The following HSP90AA1 variants were observed in gnomAD, a reference collection of about 807,000 sequenced individuals.
HSP90AA1 encodes the protein heat shock protein 90 alpha family class A member 1, also known as heat shock protein HSP 90-alpha.
In HSP90AA1, 18 loss-of-function variants were observed where a neutral mutation model predicts 73.3. The observed-to-expected ratio is 0.25, with a 90% confidence interval of 0.17 to 0.36. The LOEUF (loss-of-function observed/expected upper bound fraction) is 0.36. Among genes scored for constraint, HSP90AA1 ranks in the 10% least tolerant of loss-of-function variants. The probability of loss-of-function intolerance (pLI) is 1.00; values close to 1 mark genes in which losing one functional copy is unlikely to be tolerated. For missense variants in HSP90AA1, 704 were observed against 874.2 expected (o/e 0.81, Z 2.45); for synonymous variants, 477 against 296.9 (o/e 1.61, Z -6.24).
At position 102,102,076 on chromosome 14, in the gene HSP90AA1, AG is replaced by A; in HGVS notation, c.164del (p.Pro55LeufsTer16). The stretch of plus-strand genomic sequence containing the variant: ...GGGCCTTTTCTTGGTACCAGTTAAC[AG>A]GTGCCCTGCTGGGAACATAAACACA... On this transcript the variant is annotated frameshift_variant, in exon 2 of 12. Transcript: ENST00000334701. LOFTEE classifies it high-confidence loss of function. The A allele has an allele frequency of 6.2e-7, 1 of 1,613,352 alleles. No individual in the cohort carries two copies. Among genetic ancestry groups the A allele is most frequent in the Middle Eastern group, 1.7e-4 (1 of 6,056 alleles).
intron 1 of HSP90AA1, among the ~76,000 whole-genome samples, chr14:102,103,822 A>C (rs1388152885): frequency 6.6e-6 from 1 of 151,496 alleles, no homozygotes; most frequent in African/African-American, 2.4e-5. Flanking sequence ...AAAAAAAAAA[A>C]CAAAAACCCA....
At chr14:102,122,815 C>A (rs188061761) in intron 1 of HSP90AA1, among the ~76,000 whole-genome samples, 18 of 150,500 alleles carry the variant, frequency 1.2e-4, no homozygotes, top group South Asian at 2.1e-4. Flanking sequence ...TTACAGGTGC[C>A]TGCCACCATG....
intron 1 of HSP90AA1, among the ~76,000 whole-genome samples, chr14:102,120,973 ATAT>A (rs2049769284): frequency 1.3e-5 from 2 of 151,672 alleles, no homozygotes; most frequent in South Asian, 4.2e-4. Context: ...AGAAAATGAA[ATAT>A]TATACATACT....
At chr14:102,082,061 A>G (rs776466880) in intron 10 of HSP90AA1, 50 bp downstream of exon 10, 8 of 1,256,996 alleles carry the variant, frequency 6.4e-6, no homozygotes, top group Middle Eastern at 3.7e-4. Context: ...ATTTTCTTCA[A>G]TGTCACGTGT....
chr14:102,092,559 ACTAAT>A (rs1387772456), intron 2 of HSP90AA1, among the ~76,000 whole-genome samples: 3 of 152,120 alleles, frequency 2.0e-5, no homozygotes, highest in Non-Finnish European at 2.9e-5. Context: ...GAAAATGCAA[ACTAAT>A]CTATAGTGAC....
intron 1 of HSP90AA1, among the ~76,000 whole-genome samples, chr14:102,105,243 A>C (rs765600995): frequency 6.6e-6 from 1 of 151,168 alleles, no homozygotes; most frequent in Non-Finnish European, 1.5e-5. Flanking sequence ...AACTTCATTC[A>C]ACAAACACTG....
chr14:102,116,517 C>T (rs906664776), intron 1 of HSP90AA1, among the ~76,000 whole-genome samples: 4 of 152,166 alleles, frequency 2.6e-5, no homozygotes, highest in Admixed American at 6.6e-5. Flanking sequence ...TCCACGTTCC[C>T]GAGGCAGGTG....
chr14:102,085,576 GTGCCTCGCCCAAAAGAA>G, intron 3 of HSP90AA1, 145 bp from the exon 4 acceptor site: 4 of 1,191,024 alleles, frequency 3.4e-6, no homozygotes, highest in Non-Finnish European at 4.9e-6. Flanking sequence ...TTTGGGCAAG[GTGCCTCGCCCAAAAGAA>G]CCGCCCACCA....
At chr14:102,129,212 C>A (rs1191622715) in intron 1 of HSP90AA1, among the ~76,000 whole-genome samples, 1 of 147,228 alleles carries the variant, frequency 6.8e-6, no homozygotes, top group Non-Finnish European at 1.5e-5. Flanking sequence ...TCTCAGCTCA[C>A]TGCAACCTCT....
At chr14:102,128,830 G>GTACT (rs1345736920) in intron 1 of HSP90AA1, among the ~76,000 whole-genome samples, 1 of 149,012 alleles carries the variant, frequency 6.7e-6, no homozygotes, top group Non-Finnish European at 1.5e-5. Context: ...AAGAGAAGAG[G>GTACT]TACTTCTTCT....
chr14:102,136,887 TA>T (rs982881540), intron 1 of HSP90AA1, among the ~76,000 whole-genome samples: 312 of 126,104 alleles, frequency 2.5e-3, no homozygotes, highest in Middle Eastern at 5.2e-3. Flanking sequence ...AGACTTCTCT[TA>T]AAAAAAAAAA....
chr14:102,090,127 CTG>C (rs1288241415), upstream of HSP90AA1, among the ~76,000 whole-genome samples: 1 of 152,250 alleles, frequency 6.6e-6, no homozygotes, highest in Non-Finnish European at 1.5e-5. Context: ...GCTCCTATTT[CTG>C]TGTCTGGCGC....
chr14:102,083,736 A>T, intron 7 of HSP90AA1, 43 bp from the exon 8 acceptor site: 1 of 1,584,680 alleles, frequency 6.3e-7, no homozygotes, highest in East Asian at 2.2e-5. Context: ...CTGAATTAAA[A>T]AAAAAAAAAA....
chr14:102,110,203 G>A (rs1346758263), intron 1 of HSP90AA1, among the ~76,000 whole-genome samples: 2 of 152,096 alleles, frequency 1.3e-5, no homozygotes, highest in Admixed American at 6.5e-5. Flanking sequence ...AAAGTGCTGG[G>A]ATTACAGGTG....
chr14:102,122,813 G>A (rs1055218555), intron 1 of HSP90AA1, among the ~76,000 whole-genome samples: 17 of 151,116 alleles, frequency 1.1e-4, no homozygotes, highest in Admixed American at 2.0e-4. Context: ...GATTACAGGT[G>A]CCTGCCACCA....
intron 1 of HSP90AA1, among the ~76,000 whole-genome samples, chr14:102,123,372 A>G (rs1479289398): frequency 6.6e-6 from 1 of 152,158 alleles, no homozygotes; most frequent in Non-Finnish European, 1.5e-5. Flanking sequence ...TGGGCAACAG[A>G]GCGAGACTCG....
At chr14:102,129,193 G>T (rs1190597) in intron 1 of HSP90AA1, among the ~76,000 whole-genome samples, 118,072 of 147,370 alleles carry the variant, frequency 0.8, 48,398 homozygotes, top group East Asian at 0.93. Flanking sequence ...CTGGAATGCA[G>T]TGGGGCAATC....
chr14:102,084,345 C>CA, intron 6 of HSP90AA1, 54 bp downstream of exon 6: 1 of 1,548,984 alleles, frequency 6.5e-7, no homozygotes, highest in Non-Finnish European at 8.9e-7. Flanking sequence ...CATGCCCACC[C>CA]AGAAAGTACT....
At chr14:102,106,325 T>C (rs541342216) in intron 1 of HSP90AA1, among the ~76,000 whole-genome samples, 11 of 152,280 alleles carry the variant, frequency 7.2e-5, no homozygotes, top group Admixed American at 7.2e-4. Context: ...AATCCATTTT[T>C]TGATCAAAGT....
Sources: gnomAD v4.1 joint callset for allele counts (sites outside exome capture counted in the v4.1 genomes callset) on GRCh38, gnomAD v4.1.1 for gene constraint, MANE v1.5 for transcripts, NCBI Gene and HGNC (gene_info 2026-07-23, HGNC 2026-07-21) for gene names.